HEATR3: variants seen among roughly 807,000 people sequenced by gnomAD.
HEATR3 encodes the protein HEAT repeat containing 3, also known as HEAT repeat-containing protein 3.
A neutral mutation model predicts 72.8 loss-of-function variants in HEATR3; 56 were observed. The observed-to-expected ratio is 0.77, with a 90% CI of 0.62 to 0.96. HEATR3 has a LOEUF of 0.96. Among genes scored for constraint, HEATR3 ranks in the 40% least tolerant of loss-of-function variants. The probability of loss-of-function intolerance (pLI) is 0.00; values close to 1 mark genes in which losing one functional copy is unlikely to be tolerated. For synonymous variants in HEATR3, 331 were observed against 318.1 expected (o/e 1.04, Z -0.43); for missense variants, 747 against 831.4 (o/e 0.90, Z 1.25).
In HEATR3 at chr16:50,100,218, C is replaced by T. The variant is rs2037336385; in HGVS notation, c.1600-12C>T. The stretch of plus-strand genomic sequence containing the variant: ...TTAACATTATAAATACTGTCCTCTT[C>T]TCTTTTAACAGTGCATGACTCCTGA... On this transcript the variant is annotated splice_polypyrimidine_tract_variant and intron_variant, in intron 12 of 14. Coordinates refer to ENST00000299192, the MANE Select transcript of HEATR3 (RefSeq NM_182922.4). 20 of 1,607,524 alleles carry T rather than the reference C, an allele frequency of 1.2e-5. No homozygotes were observed. Among genetic ancestry groups the T allele is most frequent in the Non-Finnish European group, 1.7e-5 (20 of 1,177,392 alleles).
chr16:50,066,723 T>C lies in HEATR3; in HGVS notation c.311+184T>C, dbSNP rs2036506065. ...AAGCCCAGTATCCCCGCATCTCATC[T>C]GTCCACCTGGCTGCTTCACCTGCAG... On this transcript the variant is annotated intron_variant, in intron 2 of 14. Coordinates refer to ENST00000299192, the MANE Select transcript of HEATR3 (RefSeq NM_182922.4). 5.9e-6 allele frequency: 3 copies of C among 504,890 alleles called. No individual in the cohort carries two copies. In the South Asian group the frequency reaches 2.8e-4, roughly 46 times the overall value. The allele number at this position is 504,890 out of a possible 1,614,324, so 31.3% of individuals were successfully genotyped here.
chr16:50,100,990 G>A lies in HEATR3; in HGVS notation c.1743+617G>A, dbSNP rs2037352346. Among the ~76,000 whole-genome samples, 3 of 152,110 alleles carry A rather than the reference G, an allele frequency of 2.0e-5. No homozygotes were observed. In the South Asian group the frequency reaches 6.2e-4, roughly 31 times the overall value. ...TTGGTGTGCTAATAATTGCTGAAGT[G>A]TGAGACTAGTGGATAATAAACTCAT... On this transcript the variant is annotated intron_variant, in intron 13 of 14. Transcript: ENST00000299192.
chr16:50,066,728 A>T, intron 2 of HEATR3, 189 bp downstream of exon 2: 1 of 491,722 alleles, frequency 2.0e-6, no homozygotes, highest in South Asian at 9.6e-5. Context: ...TCATCTGTCC[A>T]CCTGGCTGCT....
At chr16:50,075,297 C>T (rs1247417685) in intron 5 of HEATR3, among the ~76,000 whole-genome samples, 1 of 119,920 alleles carries the variant, frequency 8.3e-6, no homozygotes, top group Non-Finnish European at 1.6e-5. Flanking sequence ...GCCTGGGTGA[C>T]AGAGCAAGAC....
rs1479819919 is a variant in HEATR3, at chr16:50,066,501, C to T, written c.273C>T (p.Pro91=). 2 of 1,324,584 alleles carry T rather than the reference C, an allele frequency of 1.5e-6. No individual in the cohort carries two copies. Among genetic ancestry groups the T allele is most frequent in the Admixed American group, 4.2e-5 (1 of 23,998 alleles). The allele number at this position is 1,324,584 out of a possible 1,614,324, so 82.1% of individuals were successfully genotyped here. ...GCCTCGGGCCGCTGCTGCTAGACCC[C>T]AGCCTGGCCGTCAGGGAGACTGCAG... ...VRRLGPLLLD[P]SLAVRETAAG... The change falls in exon 2 of 15, where the codon CCC becomes CCT. Residue 91 remains proline (P), a synonymous_variant. Transcript: ENST00000299192.
At chr16:50,073,565 A>G (rs2036658876) in intron 5 of HEATR3, 1 of 152,212 alleles carries the variant, frequency 6.6e-6, no homozygotes, top group Non-Finnish European at 1.5e-5. Flanking sequence ...CATTTCTCTA[A>G]ATGGAATCTT....
At chr16:50,085,158 T>C (rs980559433) in intron 10 of HEATR3, among the ~76,000 whole-genome samples, 2 of 151,984 alleles carry the variant, frequency 1.3e-5, no homozygotes, top group African/African-American at 4.8e-5. Context: ...TGTATGGTGC[T>C]TACCTGTAGG....
intron 12 of HEATR3, among the ~76,000 whole-genome samples, chr16:50,095,887 TA>T (rs1225048994): frequency 1.3e-5 from 2 of 152,052 alleles, no homozygotes; most frequent in Admixed American, 6.6e-5. Context: ...GACAGAAAAA[TA>T]AATTTTTAAA....
At position 50,070,285 on chromosome 16, in the gene HEATR3, T is replaced by C. The variant is rs1238812693; in HGVS notation, c.507T>C (p.Asn169=). Residue 169 remains asparagine, a synonymous_variant, in exon 4 of 15, where the codon AAT becomes AAC. Coordinates refer to ENST00000299192, the MANE Select transcript of HEATR3 (RefSeq NM_182922.4). The part of the protein sequence containing the change: ...IANETVNVLW[N]ICECSSRAVS... ...ATGAGACTGTGAACGTGCTGTGGAA[T>C]ATATGGTAAGATGCCTACCAAACAC... The C allele has an allele frequency of 6.5e-7, 1 of 1,542,992 alleles. No individual in the cohort carries two copies. Among genetic ancestry groups the C allele is most frequent in the South Asian group, 1.1e-5 (1 of 88,234 alleles).
At chr16:50,104,741 C>T (rs1036592368) in intron 14 of HEATR3, among the ~76,000 whole-genome samples, 198 bp from the exon 15 acceptor site, 2 of 152,146 alleles carry the variant, frequency 1.3e-5, no homozygotes, top group South Asian at 2.1e-4. Flanking sequence ...TTGTAACTAT[C>T]ATTTTTAATA....
Position 50,066,061 on chromosome 16 carries a change from C to T in HEATR3, c.-71C>T. Reference sequence around the variant, plus strand: ...GAGCAGCAGCAACGGACCTTGTTAACGGCGCGGCAGCCTCCACCGCCTGCT... The same window carrying T: ...GAGCAGCAGCAACGGACCTTGTTAATGGCGCGGCAGCCTCCACCGCCTGCT... On this transcript the variant is annotated 5_prime_UTR_variant, in exon 1 of 15. In the 5' UTR this introduces an upstream ATG that the reference lacks. Coordinates refer to ENST00000299192, the MANE Select transcript of HEATR3 (RefSeq NM_182922.4). 1 of 1,468,178 alleles carries T rather than the reference C, an allele frequency of 6.8e-7. No individual in the cohort carries two copies. The highest frequency in any genetic ancestry group is 9.1e-7 in the Non-Finnish European group (1 of 1,097,948). The allele number at this position is 1,468,178 out of a possible 1,614,324, so 90.9% of individuals were successfully genotyped here.
chr16:50,074,279 C>A (rs538565775), intron 5 of HEATR3: 1 of 151,990 alleles, frequency 6.6e-6, no homozygotes, highest in Non-Finnish European at 1.5e-5. Flanking sequence ...GGAAGCCAGA[C>A]GTCCCAAAAC....
intron 7 of HEATR3, among the ~76,000 whole-genome samples, chr16:50,079,559 T>C (rs1442988236): frequency 2.6e-5 from 4 of 152,142 alleles, no homozygotes; most frequent in Non-Finnish European, 4.4e-5. Flanking sequence ...TGGTGTGATA[T>C]TGCAGTAAAG....
Position 50,066,271 on chromosome 16 carries a change from T to A in HEATR3, c.138+2T>A. ...CCGGCGGCGGAGCTGCTGGAAAAGG[T>A]GAGGCGAGGGCTCCGTCGGGCCGGG... is the stretch of plus-strand genomic sequence containing the variant. On this transcript the variant is annotated splice_donor_variant, in intron 1 of 14. Coordinates refer to ENST00000299192, the MANE Select transcript of HEATR3 (RefSeq NM_182922.4). LOFTEE classifies it high-confidence loss of function. 6.4e-7 allele frequency: 1 copy of A among 1,572,406 alleles called. No individual in the cohort carries two copies.
At chr16:50,104,700 A>C (rs2037442553) in intron 14 of HEATR3, among the ~76,000 whole-genome samples, 1 of 152,228 alleles carries the variant, frequency 6.6e-6, no homozygotes, top group Non-Finnish European at 1.5e-5. Context: ...TATAGTTTAT[A>C]TAACTCCTAC....
intron 9 of HEATR3, 123 bp from the exon 10 acceptor site, chr16:50,084,446 G>A (rs763944493): frequency 1.6e-5 from 18 of 1,140,080 alleles, no homozygotes; most frequent in East Asian, 4.8e-5. Flanking sequence ...GGAAATAGGC[G>A]AAAAGGTCAT....
intron 4 of HEATR3, among the ~76,000 whole-genome samples, chr16:50,070,529 G>A (rs558206227): frequency 1.3e-5 from 2 of 152,160 alleles, no homozygotes; most frequent in Admixed American, 1.3e-4. Flanking sequence ...GTGAAACCCC[G>A]TCTCTACCAA....
chr16:50,096,258 G>A (rs2037232822), intron 12 of HEATR3, among the ~76,000 whole-genome samples: 1 of 143,964 alleles, frequency 6.9e-6, no homozygotes, highest in Non-Finnish European at 1.5e-5. Context: ...CTGGGAGGCG[G>A]AAGTTGCAGT....
At chr16:50,086,453 A>C (rs1378276514) in intron 11 of HEATR3, 102 bp downstream of exon 11, 5 of 1,272,056 alleles carry the variant, frequency 3.9e-6, no homozygotes. Context: ...TCCAATGTGC[A>C]GAAACCTTTC....
Sources: gnomAD v4.1 joint callset for allele counts (sites outside exome capture counted in the v4.1 genomes callset) on GRCh38, gnomAD v4.1.1 for gene constraint, MANE v1.5 for transcripts, NCBI Gene and HGNC (gene_info 2026-07-23, HGNC 2026-07-21) for gene names.